Variants in PACRG observed in about 807,000 individuals in gnomAD.
PACRG encodes parkin coregulated gene protein.
In PACRG, 29 loss-of-function variants were observed where a neutral mutation model predicts 29.7. That is an observed-to-expected ratio of 0.98 (90% CI 0.73 to 1.33). The LOEUF is 1.33. PACRG is among the 40% of genes most tolerant of loss of function. The pLI, the probability that PACRG is intolerant of heterozygous loss-of-function variation, is 0.00. For missense variants in PACRG, 279 were observed against 316.2 expected, an observed-to-expected ratio of 0.88 and a Z score of 0.89; for synonymous variants, 116 against 118.7, an observed-to-expected ratio of 0.98 and a Z score of 0.15.
intron 4 of PACRG, among the ~76,000 whole-genome samples, chr6:163,269,855 AAGAGAAAGAAAG>A (rs1562349445): frequency 1.4e-5 from 1 of 70,052 alleles, no homozygotes; most frequent in African/African-American, 6.7e-5. Context: ...GAAAGAAAGA[AAGAGAAAGAAAG>A]AGAAAGAAAG....
intron 1 of PACRG, among the ~76,000 whole-genome samples, chr6:162,757,092 CA>C (rs1473395037): frequency 1.3e-5 from 2 of 151,808 alleles, no homozygotes; most frequent in African/African-American, 2.4e-5. Context: ...TTATAAATAT[CA>C]AAATTTTGTT....
intron 4 of PACRG, among the ~76,000 whole-genome samples, chr6:163,102,768 C>G (rs1239214843): frequency 6.6e-6 from 1 of 152,226 alleles, no homozygotes; most frequent in Non-Finnish European, 1.5e-5. Flanking sequence ...GATACATCAC[C>G]TGTTGCATTT....
At chr6:162,827,947 A>G (rs1358670581) in intron 2 of PACRG, among the ~76,000 whole-genome samples, 1 of 152,108 alleles carries the variant, frequency 6.6e-6, no homozygotes, top group East Asian at 1.9e-4. Context: ...TAAGATAGTG[A>G]TCTGTTTTCA....
intron 2 of PACRG, among the ~76,000 whole-genome samples, chr6:162,836,851 T>A: frequency 6.6e-6 from 1 of 152,274 alleles, no homozygotes; most frequent in Middle Eastern, 3.4e-3. Context: ...ATAAAACTAA[T>A]ATTCAGATAT....
At chr6:162,930,395 T>C (rs1207939804) in intron 2 of PACRG, among the ~76,000 whole-genome samples, 4 of 151,954 alleles carry the variant, frequency 2.6e-5, no homozygotes, top group Admixed American at 2.6e-4. Flanking sequence ...TTCAGATTGA[T>C]TGCTTTTGAC....
intron 1 of PACRG, among the ~76,000 whole-genome samples, chr6:162,773,161 G>T (rs1043007228): frequency 2.6e-5 from 4 of 152,130 alleles, no homozygotes; most frequent in African/African-American, 9.7e-5. Context: ...TACTTGCAAG[G>T]AATGGTGCCA....
chr6:162,742,943 C>T (rs754612690), intron 1 of PACRG, among the ~76,000 whole-genome samples: 52 of 152,104 alleles, frequency 3.4e-4, no homozygotes, highest in Non-Finnish European at 6.2e-4. Context: ...TTTGAGGGAC[C>T]TCCGTACTGT....
chr6:163,107,642 T>C (rs1205385165), intron 4 of PACRG, among the ~76,000 whole-genome samples: 2 of 152,364 alleles, frequency 1.3e-5, no homozygotes, highest in Non-Finnish European at 2.9e-5. Flanking sequence ...GCCTCTCTGC[T>C]TCATGAGTTT....
At chr6:163,042,227 C>T (rs2128238019) in intron 2 of PACRG, among the ~76,000 whole-genome samples, 1 of 152,160 alleles carries the variant, frequency 6.6e-6, no homozygotes, top group Non-Finnish European at 1.5e-5. Context: ...TGGAAGATCA[C>T]AACAAAGGGC....
At chr6:162,918,295 C>T (rs1239791848) in intron 2 of PACRG, among the ~76,000 whole-genome samples, 2 of 152,194 alleles carry the variant, frequency 1.3e-5, no homozygotes, top group South Asian at 2.1e-4. Flanking sequence ...GTGCATGTGA[C>T]GTCCATATGA....
At position 163,239,595 on chromosome 6, in the gene PACRG, T is replaced by C. The variant is rs1192895713; in HGVS notation, c.614-75232T>C. Among the ~76,000 whole-genome samples, 5 of 151,918 alleles carry C rather than the reference T, an allele frequency of 3.3e-5. No homozygotes were observed. The East Asian group carries it at 9.7e-4, about 29-fold the overall frequency. Reference sequence around the variant, plus strand: ...CCCTGTCCTTCTTAACATCACCTGATGGTGTGGGCACAGCTGGCTGTTCAT... The same window carrying C: ...CCCTGTCCTTCTTAACATCACCTGACGGTGTGGGCACAGCTGGCTGTTCAT... On this transcript the variant is annotated intron_variant, in intron 4 of 4. Transcript: ENST00000366888.
At chr6:163,198,873 C>T (rs6937131) in intron 4 of PACRG, among the ~76,000 whole-genome samples, 2,105 of 152,236 alleles carry the variant, frequency 0.014, 59 homozygotes, top group African/African-American at 0.048. Context: ...TCAGTCAGTA[C>T]ATGTGAGAAG....
chr6:163,233,061 T>A (rs1001972150), intron 4 of PACRG, among the ~76,000 whole-genome samples: 1 of 152,244 alleles, frequency 6.6e-6, no homozygotes, highest in Non-Finnish European at 1.5e-5. Context: ...AAACACATTT[T>A]CTGTTAAGTT....
intron 2 of PACRG, among the ~76,000 whole-genome samples, chr6:162,899,921 C>G (rs553770398): frequency 1.3e-5 from 2 of 152,188 alleles, no homozygotes; most frequent in East Asian, 3.9e-4. Flanking sequence ...GAGGGAAGGC[C>G]AGGACTCCTG....
At chr6:163,163,616 TA>T (rs562145010) in intron 4 of PACRG, among the ~76,000 whole-genome samples, 225 of 152,328 alleles carry the variant, frequency 1.5e-3, no homozygotes, top group African/African-American at 5.4e-3. Flanking sequence ...AGGATTTTAT[TA>T]GTATAAAAAA....
intron 4 of PACRG, among the ~76,000 whole-genome samples, chr6:163,274,193 C>G (rs373903514): frequency 2.2e-4 from 34 of 152,278 alleles, no homozygotes; most frequent in Middle Eastern, 6.8e-3. Context: ...CCTCCACCCC[C>G]CAACAGGCCC....
At chr6:162,792,143 TGG>T (rs1785002034) in intron 1 of PACRG, among the ~76,000 whole-genome samples, 1 of 152,090 alleles carries the variant, frequency 6.6e-6, no homozygotes, top group Admixed American at 6.5e-5. Context: ...CCAGCTACAT[TGG>T]GCTGCTGAGG....
At chr6:162,793,503 GTCTTGTT>G (rs1479686002) in intron 1 of PACRG, among the ~76,000 whole-genome samples, 1 of 152,116 alleles carries the variant, frequency 6.6e-6, no homozygotes, top group Non-Finnish European at 1.5e-5. Flanking sequence ...TTGGAATATT[GTCTTGTT>G]GCTTCATGGT....
intron 2 of PACRG, among the ~76,000 whole-genome samples, chr6:162,861,296 A>C (rs1417213384): frequency 6.6e-6 from 1 of 152,204 alleles, no homozygotes; most frequent in Non-Finnish European, 1.5e-5. Context: ...GCTGATATAT[A>C]TTCCCAGTTT....
Sources: allele counts gnomAD v4.1 joint callset (sites outside exome capture counted in the v4.1 genomes callset), GRCh38; gene constraint gnomAD v4.1.1; transcripts MANE v1.5; gene names NCBI Gene and HGNC (gene_info 2026-07-23, HGNC 2026-07-21).